HEMK2: variants seen among roughly 807,000 people sequenced by gnomAD.
The protein encoded by HEMK2 is methyltransferase HEMK2.
the HEMK2 span, among the ~76,000 whole-genome samples, chr21:28,768,215 T>C: frequency 2.0e-5 from 3 of 152,116 alleles, no homozygotes; most frequent in Non-Finnish European, 4.4e-5. Flanking sequence ...CATCATGCCA[T>C]GGAGACCACT....
chr21:28,771,935 T>C, the HEMK2 span, among the ~76,000 whole-genome samples: 1 of 151,520 alleles, frequency 6.6e-6, no homozygotes, highest in African/African-American at 2.4e-5. Context: ...GTGGTTACCC[T>C]GGAACATACC....
At chr21:28,850,210 C>T in the HEMK2 span, among the ~76,000 whole-genome samples, 9 of 146,806 alleles carry the variant, frequency 6.1e-5, 1 homozygote, top group South Asian at 1.5e-3. Flanking sequence ...TACCTACATT[C>T]AGCATTCTTT....
chr21:28,706,011 T>A, the HEMK2 span, among the ~76,000 whole-genome samples: 1 of 152,202 alleles, frequency 6.6e-6, no homozygotes, highest in African/African-American at 2.4e-5. Flanking sequence ...TAATATCACA[T>A]CTTCAAAGTC....
chr21:28,823,320 T>C, the HEMK2 span, among the ~76,000 whole-genome samples: 5 of 152,232 alleles, frequency 3.3e-5, no homozygotes, highest in Admixed American at 2.6e-4. Flanking sequence ...GGGATTTTCA[T>C]CTCTGAGTCC....
the HEMK2 span, among the ~76,000 whole-genome samples, chr21:28,720,180 T>C: frequency 1.1e-4 from 16 of 152,282 alleles, no homozygotes; most frequent in African/African-American, 3.4e-4. Context: ...AATCCAACAA[T>C]AGACAGTAAA....
At chr21:28,815,977 T>C in the HEMK2 span, among the ~76,000 whole-genome samples, 3 of 152,138 alleles carry the variant, frequency 2.0e-5, no homozygotes, top group African/African-American at 7.2e-5. Flanking sequence ...AATGAGGCTG[T>C]TAGTGTGGGC....
At chr21:28,752,656 G>A in the HEMK2 span, among the ~76,000 whole-genome samples, 1 of 152,166 alleles carries the variant, frequency 6.6e-6, no homozygotes, top group East Asian at 1.9e-4. Context: ...CAGGAGAACA[G>A]GGACCACTCT....
At chr21:28,697,384 A>G in the HEMK2 span, among the ~76,000 whole-genome samples, 1 of 152,120 alleles carries the variant, frequency 6.6e-6, no homozygotes, top group African/African-American at 2.4e-5. Flanking sequence ...CCAGTTCCCA[A>G]CAGGTTCCTC....
the HEMK2 span, among the ~76,000 whole-genome samples, chr21:28,587,993 T>C: frequency 4.7e-4 from 72 of 152,324 alleles, no homozygotes; most frequent in African/African-American, 1.5e-3. Context: ...CCAGCTGCAG[T>C]TGGCAGAAAG....
chr21:28,863,989 G>C, the HEMK2 span, among the ~76,000 whole-genome samples: 1 of 152,136 alleles, frequency 6.6e-6, no homozygotes, highest in South Asian at 2.1e-4. Context: ...CACCACGCCT[G>C]GCTAATTTTT....
At chr21:28,697,372 C>T in the HEMK2 span, among the ~76,000 whole-genome samples, 3 of 152,184 alleles carry the variant, frequency 2.0e-5, no homozygotes, top group African/African-American at 7.2e-5. Context: ...GGGACCTTTA[C>T]TCCAGTTCCC....
At chr21:28,808,883 T>G in the HEMK2 span, among the ~76,000 whole-genome samples, 559 of 152,294 alleles carry the variant, frequency 3.7e-3, 2 homozygotes, top group African/African-American at 0.013. Context: ...TATTCAAATT[T>G]AATAGTTTTA....
the HEMK2 span, among the ~76,000 whole-genome samples, chr21:28,603,543 A>AGATGTG: frequency 1.5e-3 from 148 of 101,302 alleles, no homozygotes; most frequent in African/African-American, 5.7e-3. Context: ...TTTACTGAGG[A>AGATGTG]TATATATGTG....
At chr21:28,844,531 A>C in the HEMK2 span, among the ~76,000 whole-genome samples, 1 of 152,106 alleles carries the variant, frequency 6.6e-6, no homozygotes, top group Non-Finnish European at 1.5e-5. Flanking sequence ...CACTACAAAC[A>C]CATGGCCTTA....
At chr21:28,784,040 C>A in the HEMK2 span, among the ~76,000 whole-genome samples, 11 of 152,310 alleles carry the variant, frequency 7.2e-5, no homozygotes, top group East Asian at 1.9e-4. Flanking sequence ...AGCCTCCCCC[C>A]ACGGCGGTGG....
At chr21:28,626,874 T>C in the HEMK2 span, among the ~76,000 whole-genome samples, 1 of 152,048 alleles carries the variant, frequency 6.6e-6, no homozygotes, top group Admixed American at 6.6e-5. Context: ...GACCCAACAA[T>C]TCTGCTCCTA....
the HEMK2 span, among the ~76,000 whole-genome samples, chr21:28,632,097 G>A: frequency 1.1e-4 from 16 of 152,290 alleles, no homozygotes; most frequent in South Asian, 1.7e-3. Context: ...AAGTAAAGGC[G>A]AAAGTTTGTT....
At chr21:28,701,531 T>C in the HEMK2 span, among the ~76,000 whole-genome samples, 5 of 141,722 alleles carry the variant, frequency 3.5e-5, no homozygotes, top group Non-Finnish European at 7.6e-5. Context: ...AAGAATACAA[T>C]CCCATTCACA....
the HEMK2 span, among the ~76,000 whole-genome samples, chr21:28,630,627 T>C: frequency 6.6e-6 from 1 of 151,364 alleles, no homozygotes. Flanking sequence ...ATGTCCTTTG[T>C]AGGGACATGG....
Sources: allele counts gnomAD v4.1 joint callset (sites outside exome capture counted in the v4.1 genomes callset), GRCh38; gene constraint gnomAD v4.1.1; transcripts MANE v1.5; gene names NCBI Gene and HGNC (gene_info 2026-07-23, HGNC 2026-07-21).